Variants in ALX1 observed in about 807,000 individuals in gnomAD.
The protein encoded by ALX1 is ALX homeobox protein 1.
ALX1 carries 19 observed loss-of-function variants against 31.7 expected under a neutral mutation model. The ratio of observed to expected loss-of-function variants is 0.60; its 90% CI spans 0.42 to 0.88. The LOEUF (loss-of-function observed/expected upper bound fraction) is 0.88. Ranked by LOEUF, ALX1 falls within the 40% of genes least tolerant of loss-of-function variation. The pLI is 0.00. For missense variants in ALX1, 415 were observed against 407.8 expected, an observed-to-expected ratio of 1.02 and a Z score of -0.15; for synonymous variants, 153 against 148.8, an observed-to-expected ratio of 1.03 and a Z score of -0.20.
chr12:85,283,386 T>TGG (rs1180687615), intron 1 of ALX1, among the ~76,000 whole-genome samples, 186 bp from the exon 2 acceptor site: 119 of 152,312 alleles, frequency 7.8e-4, no homozygotes, highest in African/African-American at 2.7e-3. Context: ...TGAACACATT[T>TGG]TAAAATGGTA....
chr12:85,301,636 C>A lies in ALX1; in HGVS notation c.*161C>A. ...AATAGTTGTTATTTAACATTAAAAT[C>A]TAAGAATGAACCTCTGAAAAGACTA... On this transcript the variant is annotated 3_prime_UTR_variant, in exon 4 of 4. Coordinates refer to ENST00000316824, the MANE Select transcript of ALX1 (RefSeq NM_006982.3). The A allele has an allele frequency of 1.3e-6, 1 of 789,710 alleles. No homozygotes were observed. 48.9% of individuals were successfully genotyped at this position (789,710 alleles called of 1,614,324 possible).
chr12:85,281,734 A>G (rs1319342174), intron 1 of ALX1, among the ~76,000 whole-genome samples: 2 of 152,200 alleles, frequency 1.3e-5, no homozygotes, highest in African/African-American at 4.8e-5. Flanking sequence ...ATTCGAGCGT[A>G]TACTTTTTGT....
intron 3 of ALX1, among the ~76,000 whole-genome samples, chr12:85,288,632 T>C (rs891393738): frequency 6.6e-6 from 1 of 151,558 alleles, no homozygotes; most frequent in Non-Finnish European, 1.5e-5. Context: ...GGCACTGTTC[T>C]AAGCAGATTA....
chr12:85,301,258 C>A lies in ALX1; in HGVS notation c.764C>A (p.Ser255Ter). 6.2e-7 allele frequency: 1 copy of A among 1,614,022 alleles called. No homozygotes were observed. Among genetic ancestry groups the A allele is most frequent in the Non-Finnish European group, 8.5e-7 (1 of 1,179,956 alleles). ...TSSCMTPYSH[S>*]PRTDSSYTGF... ...TCCTGTATGACACCTTATTCTCACTCGCCTCGGACAGATTCCAGTTACACG... is the reference window on the plus strand; with the variant it reads ...TCCTGTATGACACCTTATTCTCACTAGCCTCGGACAGATTCCAGTTACACG... Residue 255 changes from serine to a stop codon, truncating the protein, a stop_gained, in exon 4 of 4, where the codon TCG (serine) becomes TAG (stop). Coordinates refer to ENST00000316824, the MANE Select transcript of ALX1 (RefSeq NM_006982.3). LOFTEE classifies it high-confidence loss of function.
chr12:85,298,908 T>C (rs1480907095), intron 3 of ALX1, among the ~76,000 whole-genome samples: 1 of 151,770 alleles, frequency 6.6e-6, no homozygotes, highest in Non-Finnish European at 1.5e-5. Context: ...TAGATTTATG[T>C]TAATTATGTT....
chr12:85,295,799 C>G (rs1275688282), intron 3 of ALX1, among the ~76,000 whole-genome samples: 1 of 151,202 alleles, frequency 6.6e-6, no homozygotes, highest in African/African-American at 2.4e-5. Context: ...TAGGAGCACT[C>G]TATATATAGA....
At chr12:85,298,255 A>G (rs1174057743) in intron 3 of ALX1, among the ~76,000 whole-genome samples, 1 of 151,732 alleles carries the variant, frequency 6.6e-6, no homozygotes, top group Non-Finnish European at 1.5e-5. Flanking sequence ...GCTCTGTTCT[A>G]TAGTGTTACC....
At position 85,280,382 on chromosome 12, in the gene ALX1, T is replaced by G. The variant is rs1450790066; in HGVS notation, c.121T>G (p.Tyr41Asp). 3 of 1,613,826 alleles carry G rather than the reference T, an allele frequency of 1.9e-6. No individual in the cohort carries two copies. In the Admixed American group the frequency reaches 5.0e-5, roughly 27 times the overall value. ...VMETLDNESF[Y>D]SKASAGKCVQ... ...GGAGACGCTGGACAATGAGTCCTTTTACAGCAAAGCGTCTGCAGGCAAATG... is the reference window on the plus strand; with the variant it reads ...GGAGACGCTGGACAATGAGTCCTTTGACAGCAAAGCGTCTGCAGGCAAATG... Residue 41 changes from tyrosine to aspartate, a missense_variant, in exon 1 of 4, where the codon TAC becomes GAC. Tyr to Asp is a radical substitution (Grantham distance 160). Transcript: ENST00000316824.
At chr12:85,280,716 GAGC>G (rs1354728935) in intron 1 of ALX1, among the ~76,000 whole-genome samples, 2 of 152,174 alleles carry the variant, frequency 1.3e-5, no homozygotes, top group African/African-American at 4.8e-5. Context: ...GGTTGCCTCT[GAGC>G]GATTCTCCTT....
intron 3 of ALX1, among the ~76,000 whole-genome samples, chr12:85,293,786 C>T (rs1279870514): frequency 6.6e-6 from 1 of 150,978 alleles, no homozygotes; most frequent in South Asian, 2.1e-4. Flanking sequence ...GAAAATTAAG[C>T]CATCAAAGCC....
Position 85,297,842 on chromosome 12 carries a change from T to C in ALX1, c.661-3313T>C, listed in dbSNP as rs866500160. Among the ~76,000 whole-genome samples, 4 of 151,694 alleles carry C rather than the reference T, an allele frequency of 2.6e-5. No homozygotes were observed. In the South Asian group the frequency reaches 6.2e-4, roughly 24 times the overall value. ...CCAGGTAAATGCAGTTAGCAAGGTCTAGGAATGTAATTTTCATGATCACTG... is the reference window on the plus strand; with the variant it reads ...CCAGGTAAATGCAGTTAGCAAGGTCCAGGAATGTAATTTTCATGATCACTG... On this transcript the variant is annotated intron_variant, in intron 3 of 3. Coordinates refer to ENST00000316824, the MANE Select transcript of ALX1 (RefSeq NM_006982.3).
chr12:85,288,460 T>C (rs1331429185), intron 3 of ALX1, among the ~76,000 whole-genome samples: 1 of 151,480 alleles, frequency 6.6e-6, no homozygotes, highest in African/African-American at 2.4e-5. Flanking sequence ...CCAAATATTT[T>C]TGAGTGCCTT....
rs142082486 is a variant in ALX1 at position 85,292,951 on chromosome 12, T to G, written c.660+5970T>G. Among the ~76,000 whole-genome samples the G allele has an allele frequency of 3.5e-3, 522 of 150,966 alleles. 4 individuals are homozygous for G. Among genetic ancestry groups the G allele is most frequent in the African/African-American group, 0.012 (487 of 41,426 alleles). On this transcript the variant is annotated intron_variant, in intron 3 of 3. Coordinates refer to ENST00000316824, the MANE Select transcript of ALX1 (RefSeq NM_006982.3). ...AACCAAAATCTTTTAAAAATATTACTAATATAGCGGTAATTAATACATTGT... is the reference window on the plus strand; with the variant it reads ...AACCAAAATCTTTTAAAAATATTACGAATATAGCGGTAATTAATACATTGT...
chr12:85,293,927 A>T (rs1313223131), intron 3 of ALX1, among the ~76,000 whole-genome samples: 1 of 151,046 alleles, frequency 6.6e-6, no homozygotes, highest in African/African-American at 2.4e-5. Context: ...GTGTCTATGG[A>T]TTTTCTTTTT....
At chr12:85,283,517 A>G (rs1047960137) in intron 1 of ALX1, 55 bp from the exon 2 acceptor site, 2 of 1,570,892 alleles carry the variant, frequency 1.3e-6, no homozygotes, top group African/African-American at 1.4e-5. Context: ...TATTGATTTA[A>G]TTGAGATGAG....
chr12:85,285,975 CTAATAGG>C (rs1161222064), intron 2 of ALX1, among the ~76,000 whole-genome samples: 1 of 151,840 alleles, frequency 6.6e-6, no homozygotes, highest in Non-Finnish European at 1.5e-5. Flanking sequence ...ATAAATACTT[CTAATAGG>C]TAATTAGAGA....
intron 3 of ALX1, among the ~76,000 whole-genome samples, chr12:85,294,528 A>G (rs552551325): frequency 1.3e-5 from 2 of 151,246 alleles, no homozygotes; most frequent in African/African-American, 4.8e-5. Flanking sequence ...ATTTAAGAAT[A>G]CAGTCAACAC....
intron 3 of ALX1, among the ~76,000 whole-genome samples, chr12:85,295,247 C>G (rs554167690): frequency 6.6e-6 from 1 of 151,312 alleles, no homozygotes; most frequent in Non-Finnish European, 1.5e-5. Flanking sequence ...CAGCAACTTA[C>G]TGATGTAGTA....
chr12:85,286,802 G>A, intron 2 of ALX1, 51 bp from the exon 3 acceptor site: 2 of 1,461,686 alleles, frequency 1.4e-6, no homozygotes, highest in East Asian at 5.0e-5. Flanking sequence ...CATCACATTT[G>A]CTTTATCAAA....
Sources: gnomAD v4.1 joint callset for allele counts (sites outside exome capture counted in the v4.1 genomes callset) on GRCh38, gnomAD v4.1.1 for gene constraint, MANE v1.5 for transcripts, NCBI Gene and HGNC (gene_info 2026-07-23, HGNC 2026-07-21) for gene names.